The following GABRG3 variants were observed in gnomAD, a reference collection of about 807,000 sequenced individuals.
GABRG3 encodes gamma-aminobutyric acid type A receptor subunit gamma3, also known as gamma-aminobutyric acid receptor subunit gamma-3.
In GABRG3, 25 loss-of-function variants were observed where a neutral mutation model predicts 48.8. The observed-to-expected ratio is 0.51, with a 90% CI of 0.37 to 0.72. The LOEUF (loss-of-function observed/expected upper bound fraction) is 0.72, where lower values mean the gene tolerates loss of function less well. Among genes scored for constraint, GABRG3 ranks in the 30% least tolerant of loss-of-function variants. GABRG3 has a pLI of 0.00. For synonymous variants in GABRG3, 227 were observed against 217.6 expected, an observed-to-expected ratio of 1.04 and a Z score of -0.38; for missense variants, 394 against 577.9, an observed-to-expected ratio of 0.68 and a Z score of 3.26.
intron 3 of GABRG3, among the ~76,000 whole-genome samples, chr15:27,124,758 G>T (rs1207420313): frequency 6.6e-6 from 1 of 152,212 alleles, no homozygotes; most frequent in Admixed American, 6.5e-5. Context: ...CCAGGCACCA[G>T]CTTGTTGCCT....
At chr15:26,995,129 G>A (rs987602885) in intron 2 of GABRG3, among the ~76,000 whole-genome samples, 2 of 151,996 alleles carry the variant, frequency 1.3e-5, no homozygotes, top group African/African-American at 4.8e-5. Flanking sequence ...ATTTTAGGCT[G>A]AGTTGTTAGG....
chr15:26,988,616 A>G (rs1895192420), intron 2 of GABRG3, among the ~76,000 whole-genome samples: 1 of 152,116 alleles, frequency 6.6e-6, no homozygotes, highest in Admixed American at 6.5e-5. Flanking sequence ...CTGCCTTTAA[A>G]TTGGAGTCTT....
intron 5 of GABRG3, among the ~76,000 whole-genome samples, chr15:27,422,685 T>A (rs1168823211): frequency 6.6e-6 from 1 of 152,218 alleles, no homozygotes; most frequent in African/African-American, 2.4e-5. Flanking sequence ...TTTGTCATAC[T>A]GTTTGTTTTT....
At chr15:27,221,150 T>C (rs1394344234) in intron 3 of GABRG3, among the ~76,000 whole-genome samples, 1 of 152,150 alleles carries the variant, frequency 6.6e-6, no homozygotes, top group Non-Finnish European at 1.5e-5. Context: ...ATGATTAAAA[T>C]CTTATGAGAC....
At chr15:27,226,764 G>A (rs1452724636) in intron 3 of GABRG3, among the ~76,000 whole-genome samples, 1 of 152,168 alleles carries the variant, frequency 6.6e-6, no homozygotes, top group Non-Finnish European at 1.5e-5. Context: ...TGAGAGATGG[G>A]GACAGAGGAA....
At chr15:27,307,712 TATAGGTTTATATATAAATATATAATC>T (rs1416451027) in intron 3 of GABRG3, among the ~76,000 whole-genome samples, 1 of 126,672 alleles carries the variant, frequency 7.9e-6, no homozygotes, top group Non-Finnish European at 1.6e-5. Context: ...TATATAAACC[TATAGGTTTATATATAAATATATAATC>T]ATAGGTTTAT....
At chr15:27,297,166 A>G (rs1595649279) in intron 3 of GABRG3, among the ~76,000 whole-genome samples, 1 of 152,340 alleles carries the variant, frequency 6.6e-6, no homozygotes, top group East Asian at 1.9e-4. Context: ...ATAGTAGTAC[A>G]TATGTTTGCA....
In GABRG3 at chr15:27,275,423, G is replaced by C. The variant is rs150883462; in HGVS notation, c.271-51386G>C. Among the ~76,000 whole-genome samples the C allele has an allele frequency of 2.5e-3, 388 of 152,238 alleles. 1 individual carries two copies. The highest frequency in any genetic ancestry group is 8.9e-3 in the African/African-American group (369 of 41,538). ...ATATTGTAAAATAACAATATTTTTA[G>C]TATCTTAAACATTTTGTTGAGATAG... On this transcript the variant is annotated intron_variant, in intron 3 of 9. Coordinates refer to ENST00000615808, the MANE Select transcript of GABRG3 (RefSeq NM_033223.5).
At chr15:27,306,267 A>C (rs978274421) in intron 3 of GABRG3, among the ~76,000 whole-genome samples, 1 of 139,458 alleles carries the variant, frequency 7.2e-6, no homozygotes, top group East Asian at 2.2e-4. Flanking sequence ...TCTATATGTA[A>C]ACATATATAA....
At chr15:27,299,989 A>T (rs1238628081) in intron 3 of GABRG3, among the ~76,000 whole-genome samples, 4 of 152,176 alleles carry the variant, frequency 2.6e-5, no homozygotes, top group African/African-American at 9.7e-5. Context: ...TATACTTAGC[A>T]TATCAAAGAC....
chr15:27,476,034 C>T (rs778516042), intron 5 of GABRG3, among the ~76,000 whole-genome samples: 6 of 152,072 alleles, frequency 3.9e-5, no homozygotes, highest in African/African-American at 7.2e-5. Context: ...AAAGGAGACC[C>T]GGCTCAAAAG....
intron 5 of GABRG3, chr15:27,364,038 C>T (rs916164823): frequency 2.0e-5 from 3 of 152,040 alleles, no homozygotes; most frequent in South Asian, 2.1e-4. Flanking sequence ...GATGTTTGTA[C>T]CAAAAAATGG....
At chr15:26,998,664 G>C (rs1474061685) in intron 2 of GABRG3, among the ~76,000 whole-genome samples, 1 of 152,188 alleles carries the variant, frequency 6.6e-6, no homozygotes. Context: ...GAGAGAGTGA[G>C]AAACACTGGT....
At chr15:27,325,683 A>C (rs1467784421) in intron 3 of GABRG3, among the ~76,000 whole-genome samples, 1 of 152,152 alleles carries the variant, frequency 6.6e-6, no homozygotes. Flanking sequence ...TCTTGTTGGC[A>C]CAGTGCTGGG....
chr15:27,483,917 A>G (rs7165293), intron 6 of GABRG3, among the ~76,000 whole-genome samples: 36,782 of 152,088 alleles, frequency 0.24, 6,716 homozygotes, highest in African/African-American at 0.52. Context: ...GCCACCATGC[A>G]TAATAAAAAT....
intron 5 of GABRG3, among the ~76,000 whole-genome samples, chr15:27,452,662 C>A (rs1595763450): frequency 6.6e-6 from 1 of 152,204 alleles, no homozygotes; most frequent in African/African-American, 2.4e-5. Context: ...CATTGTCTTC[C>A]CATTGAGTAG....
At chr15:27,175,157 G>C (rs1887707214) in intron 3 of GABRG3, among the ~76,000 whole-genome samples, 1 of 152,156 alleles carries the variant, frequency 6.6e-6, no homozygotes. Flanking sequence ...GGCACTGGCT[G>C]TCTCCCTTAC....
At position 27,509,224 on chromosome 15, in the gene GABRG3, A is replaced by T. The variant is rs1285490679; in HGVS notation, c.713-10748A>T. 3.9e-5 allele frequency among the ~76,000 whole-genome samples: 6 copies of T among 152,308 alleles called. No homozygotes were observed. In the East Asian group the frequency reaches 1.2e-3, roughly 29 times the overall value. On this transcript the variant is annotated intron_variant, in intron 6 of 9. Coordinates refer to ENST00000615808, the MANE Select transcript of GABRG3 (RefSeq NM_033223.5). Reference sequence around the variant, plus strand: ...TGCTCCTCTGGTGAGGGAAAAAGCAAAAAGCAAAAATGTATCTTTTTTTCC... The same window carrying T: ...TGCTCCTCTGGTGAGGGAAAAAGCATAAAGCAAAAATGTATCTTTTTTTCC...
At chr15:26,997,313 G>A (rs1895360508) in intron 2 of GABRG3, among the ~76,000 whole-genome samples, 4 of 151,924 alleles carry the variant, frequency 2.6e-5, no homozygotes, top group Admixed American at 2.6e-4. Flanking sequence ...TCTTTATTAA[G>A]GGCAACATCT....
Sources: allele counts gnomAD v4.1 joint callset (sites outside exome capture counted in the v4.1 genomes callset), GRCh38; gene constraint gnomAD v4.1.1; transcripts MANE v1.5; gene names NCBI Gene and HGNC (gene_info 2026-07-23, HGNC 2026-07-21).